SH3BGR: variants seen among roughly 807,000 people sequenced by gnomAD.
SH3BGR encodes SH3 domain-binding glutamic acid-rich protein.
In SH3BGR, 29 loss-of-function variants were observed where a neutral mutation model predicts 24.5. The ratio of observed to expected loss-of-function variants is 1.18; its 90% CI spans 0.88 to 1.61. SH3BGR has a LOEUF of 1.61. Among genes scored for constraint, SH3BGR ranks in the 40% most tolerant of loss-of-function variants. The pLI is 0.00. For missense variants in SH3BGR, 162 were observed against 205.8 expected, an observed-to-expected ratio of 0.79 and a Z score of 1.30; for synonymous variants, 55 against 65.7, an observed-to-expected ratio of 0.84 and a Z score of 0.79.
chr21:39,509,573 C>G (rs1182264862), intron 5 of SH3BGR, among the ~76,000 whole-genome samples: 1 of 144,532 alleles, frequency 6.9e-6, no homozygotes, highest in Non-Finnish European at 1.5e-5. Context: ...TTCCTGGGTT[C>G]AAGCGATTCT....
chr21:39,462,589 G>A, intron 2 of SH3BGR, 29 bp downstream of exon 2: 1 of 1,460,542 alleles, frequency 6.8e-7, no homozygotes, highest in East Asian at 2.5e-5. Flanking sequence ...TAAAAATCCT[G>A]CTGTGTGTGT....
At chr21:39,510,721 G>T (rs1051157149) in intron 5 of SH3BGR, among the ~76,000 whole-genome samples, 1 of 151,206 alleles carries the variant, frequency 6.6e-6, no homozygotes, top group South Asian at 2.1e-4. Flanking sequence ...CTTCAAAATA[G>T]AATTTTAAAA....
At chr21:39,503,934 G>A (rs766744004) in intron 4 of SH3BGR, among the ~76,000 whole-genome samples, 1 of 152,180 alleles carries the variant, frequency 6.6e-6, no homozygotes, top group Non-Finnish European at 1.5e-5. Flanking sequence ...CCAGGGGAGG[G>A]TGAGGGGCTA....
chr21:39,459,038 GTT>G (rs932976008), intron 1 of SH3BGR, among the ~76,000 whole-genome samples: 1 of 143,776 alleles, frequency 7.0e-6, no homozygotes, highest in African/African-American at 2.5e-5. Flanking sequence ...TAGTTCTGTG[GTT>G]TTTTTTTTTT....
chr21:39,497,449 A>G (rs1367870472), intron 3 of SH3BGR, among the ~76,000 whole-genome samples: 1 of 151,878 alleles, frequency 6.6e-6, no homozygotes, highest in African/African-American at 2.4e-5. Flanking sequence ...TAAAAGTTAG[A>G]TAAATTTGCC....
intron 2 of SH3BGR, among the ~76,000 whole-genome samples, chr21:39,468,011 T>G (rs1267170103): frequency 1.3e-5 from 2 of 152,204 alleles, no homozygotes; most frequent in East Asian, 3.9e-4. Context: ...CATCTCTTGA[T>G]GACAAGTTGG....
chr21:39,508,106 A>T (rs1392063261), intron 4 of SH3BGR, among the ~76,000 whole-genome samples: 1 of 152,212 alleles, frequency 6.6e-6, no homozygotes, highest in Non-Finnish European at 1.5e-5. Flanking sequence ...CTGTATAAAC[A>T]TGGTGCTGGG....
chr21:39,508,984 T>C lies in SH3BGR; in HGVS notation c.406-14T>C, dbSNP rs752523982. The C allele has an allele frequency of 1.9e-6, 3 of 1,599,954 alleles. No individual in the cohort carries two copies. In the Admixed American group the frequency reaches 5.1e-5, roughly 27 times the overall value. ...ATTATGTTTTTTTCTTTAATTTTGA[T>C]TTATGGATGTAAGGAAGAAGAAGGA... On this transcript the variant is annotated splice_polypyrimidine_tract_variant and intron_variant, in intron 4 of 6. Coordinates refer to ENST00000333634, the MANE Select transcript of SH3BGR (RefSeq NM_007341.3).
chr21:39,510,435 C>CACACACACACACACACACACTGTAGCT (rs1265592393), intron 5 of SH3BGR, among the ~76,000 whole-genome samples: 1 of 102,488 alleles, frequency 9.8e-6, no homozygotes, highest in African/African-American at 4.4e-5. Context: ...TAGCTACACA[C>CACACACACACACACACACACTGTAGCT]ACACACACAC....
At chr21:39,473,855 A>C (rs1441466433) in intron 2 of SH3BGR, among the ~76,000 whole-genome samples, 1 of 149,526 alleles carries the variant, frequency 6.7e-6, no homozygotes, top group East Asian at 2.0e-4. Flanking sequence ...ACTGTACTCC[A>C]GCCTGGGAGA....
intron 3 of SH3BGR, among the ~76,000 whole-genome samples, chr21:39,492,260 G>A (rs1477641351): frequency 1.3e-5 from 2 of 151,990 alleles, no homozygotes; most frequent in African/African-American, 4.8e-5. Context: ...AGTCCCCAAA[G>A]TCCATTGTGT....
At chr21:39,451,852 A>G, upstream of SH3BGR, 1 of 1,579,492 alleles carries the variant, frequency 6.3e-7, no homozygotes, top group East Asian at 2.3e-5. Flanking sequence ...GACCAATCAA[A>G]TATTTTCCTG....
At chr21:39,488,143 A>T (rs998569027) in intron 3 of SH3BGR, among the ~76,000 whole-genome samples, 1 of 152,194 alleles carries the variant, frequency 6.6e-6, no homozygotes, top group African/African-American at 2.4e-5. Context: ...CTGCTTCTCA[A>T]CTAAAGTTCT....
intron 4 of SH3BGR, among the ~76,000 whole-genome samples, chr21:39,506,580 A>C (rs751132339): frequency 2.0e-5 from 3 of 152,224 alleles, no homozygotes; most frequent in African/African-American, 7.2e-5. Flanking sequence ...CATGTCTTAC[A>C]TGGTGGCAAA....
intron 3 of SH3BGR, among the ~76,000 whole-genome samples, chr21:39,480,060 A>G (rs2078106694): frequency 6.6e-6 from 1 of 152,216 alleles, no homozygotes; most frequent in African/African-American, 2.4e-5. Flanking sequence ...CTGAAAAGGA[A>G]CTATCATCCC....
intron 3 of SH3BGR, among the ~76,000 whole-genome samples, chr21:39,499,272 A>ATCTATCTATCTG (rs1487738408): frequency 6.7e-6 from 1 of 150,148 alleles, no homozygotes; most frequent in Admixed American, 6.6e-5. Flanking sequence ...CTATCTGTCT[A>ATCTATCTATCTG]TCTATCTATG....
At position 39,461,463 on chromosome 21, in the gene SH3BGR, G is replaced by T. The variant is rs552655712; in HGVS notation, c.46-912G>T. ...TTTGTAGATCTTAATTGGCTTTTGT[G>T]ATTCCAGAATCTGGCAGCAGTCAGA... On this transcript the variant is annotated intron_variant, in intron 1 of 6. Coordinates refer to ENST00000333634, the MANE Select transcript of SH3BGR (RefSeq NM_007341.3). Among the ~76,000 whole-genome samples, 5 of 152,148 alleles carry T rather than the reference G, an allele frequency of 3.3e-5. No homozygotes were observed. In the East Asian group the frequency reaches 9.7e-4, roughly 29 times the overall value.
At chr21:39,509,868 A>G (rs1298029150) in intron 5 of SH3BGR, among the ~76,000 whole-genome samples, 2 of 152,190 alleles carry the variant, frequency 1.3e-5, no homozygotes, top group East Asian at 3.9e-4. Context: ...TATTGTCTAG[A>G]TGTTTCAGCA....
chr21:39,479,986 A>G (rs996686741), intron 3 of SH3BGR, among the ~76,000 whole-genome samples: 2 of 152,130 alleles, frequency 1.3e-5, no homozygotes, highest in African/African-American at 2.4e-5. Flanking sequence ...CAAAGCAAAT[A>G]TCTGTTTTCA....
Sources: allele counts gnomAD v4.1 joint callset (sites outside exome capture counted in the v4.1 genomes callset), GRCh38; gene constraint gnomAD v4.1.1; transcripts MANE v1.5; gene names NCBI Gene and HGNC (gene_info 2026-07-23, HGNC 2026-07-21).